Variants in RBFOX1 observed in about 807,000 individuals in gnomAD.
RBFOX1 encodes the protein RNA binding protein fox-1 homolog 1.
In RBFOX1, 8 loss-of-function variants were observed where a neutral mutation model predicts 57.7. The ratio of observed to expected loss-of-function variants is 0.14; its 90% CI spans 0.08 to 0.25. The LOEUF (loss-of-function observed/expected upper bound fraction) is 0.25, where lower values mean the gene tolerates loss of function less well. RBFOX1 is among the 10% of genes least tolerant of loss of function. RBFOX1 has a pLI of 1.00. For synonymous variants in RBFOX1, 326 were observed against 222.4 expected, an observed-to-expected ratio of 1.47 and a Z score of -4.15; for missense variants, 611 against 548.5, an observed-to-expected ratio of 1.11 and a Z score of -1.14.
chr16:6,564,447 G>A (rs1057008952), intron 2 of RBFOX1, among the ~76,000 whole-genome samples: 1 of 150,544 alleles, frequency 6.6e-6, no homozygotes, highest in Admixed American at 6.7e-5. Flanking sequence ...GCAACAGAGT[G>A]AGACTCTGTC....
chr16:6,781,456 G>A (rs1393350870), intron 3 of RBFOX1, among the ~76,000 whole-genome samples: 1 of 152,122 alleles, frequency 6.6e-6, no homozygotes, highest in Admixed American at 6.6e-5. Context: ...GAGTTTGGAA[G>A]TATTGTCTAC....
intron 1 of RBFOX1, among the ~76,000 whole-genome samples, chr16:6,195,839 A>G (rs1032594300): frequency 2.6e-5 from 4 of 152,190 alleles, no homozygotes; most frequent in African/African-American, 9.6e-5. Flanking sequence ...GCCATTTAAG[A>G]GCCTTCAAAG....
rs924163106 is a variant in RBFOX1 at position 7,474,684 on chromosome 16, G to C, written c.28-43463G>C. On this transcript the variant is annotated intron_variant, in intron 4 of 15. Transcript: ENST00000550418. ...TTATTACTTGTGTAACTCTGGGTAA[G>C]TTACGAATATGCTTTCCCTTTCCAG... Among the ~76,000 whole-genome samples the C allele has an allele frequency of 2.0e-5, 3 of 152,208 alleles. No individual in the cohort carries two copies. In the South Asian group the frequency reaches 6.2e-4, roughly 32 times the overall value.
chr16:5,553,121 C>T (rs768019864), intron 2 of RBFOX1, among the ~76,000 whole-genome samples: 83 of 152,044 alleles, frequency 5.5e-4, no homozygotes, highest in Non-Finnish European at 1.1e-3. Flanking sequence ...ATCACATACC[C>T]GGGCCTGTCG....
intron 4 of RBFOX1, among the ~76,000 whole-genome samples, chr16:5,968,659 T>C (rs967133528): frequency 4.6e-5 from 7 of 152,198 alleles, no homozygotes; most frequent in African/African-American, 7.2e-5. Flanking sequence ...TTTGCAATCC[T>C]ATCCTTGACA....
intron 11 of RBFOX1, among the ~76,000 whole-genome samples, chr16:7,641,522 A>T (rs1259733296): frequency 1.3e-5 from 2 of 152,228 alleles, no homozygotes; most frequent in Admixed American, 6.5e-5. Context: ...TTTTGTTTGT[A>T]TGCAACATAG....
intron 4 of RBFOX1, among the ~76,000 whole-genome samples, chr16:7,178,724 C>G (rs73536636): frequency 6.6e-6 from 1 of 152,166 alleles, no homozygotes; most frequent in African/African-American, 2.4e-5. Context: ...TAATCACATG[C>G]CGGACCTCAG....
chr16:7,212,183 G>T (rs1464676826), intron 4 of RBFOX1, among the ~76,000 whole-genome samples: 3 of 152,124 alleles, frequency 2.0e-5, no homozygotes, highest in East Asian at 1.9e-4. Flanking sequence ...GGGGCAGACT[G>T]TTTGAGTGAC....
At chr16:6,923,629 G>T (rs186514702) in intron 3 of RBFOX1, among the ~76,000 whole-genome samples, 1 of 152,158 alleles carries the variant, frequency 6.6e-6, no homozygotes, top group African/African-American at 2.4e-5. Context: ...GAGTGAATCA[G>T]CAGGGGAGCA....
chr16:5,452,147 C>T (rs2068446745), intron 1 of RBFOX1, among the ~76,000 whole-genome samples: 1 of 123,774 alleles, frequency 8.1e-6, no homozygotes, highest in Non-Finnish European at 1.6e-5. Context: ...GAGACAGAGT[C>T]TTGCTCTGTC....
chr16:6,156,658 C>T (rs900999466), intron 1 of RBFOX1, among the ~76,000 whole-genome samples: 5 of 152,058 alleles, frequency 3.3e-5, no homozygotes, highest in Non-Finnish European at 7.4e-5. Context: ...AGAGGACTTC[C>T]CTCCCCACTT....
chr16:7,007,668 C>G (rs2093379411), intron 3 of RBFOX1, among the ~76,000 whole-genome samples: 1 of 152,138 alleles, frequency 6.6e-6, no homozygotes, highest in African/African-American at 2.4e-5. Context: ...GGAAGCTCTT[C>G]TCTTTAACAT....
chr16:6,792,681 C>G (rs901641380), intron 3 of RBFOX1, among the ~76,000 whole-genome samples: 1 of 151,996 alleles, frequency 6.6e-6, no homozygotes, highest in African/African-American at 2.4e-5. Flanking sequence ...GTTTTCATGT[C>G]TGTTGTATCT....
chr16:5,929,534 C>T (rs1429219301), intron 4 of RBFOX1, among the ~76,000 whole-genome samples: 1 of 152,108 alleles, frequency 6.6e-6, no homozygotes, highest in Non-Finnish European at 1.5e-5. Context: ...ATTTAAATTA[C>T]CTCTTACTAT....
chr16:7,209,380 C>G (rs1048814772), intron 4 of RBFOX1, among the ~76,000 whole-genome samples: 9 of 152,108 alleles, frequency 5.9e-5, no homozygotes, highest in Admixed American at 1.3e-4. Flanking sequence ...TATAAGGACA[C>G]CAGTTAGATT....
At chr16:5,781,340 C>T (rs2054317331) in intron 3 of RBFOX1, among the ~76,000 whole-genome samples, 1 of 152,080 alleles carries the variant, frequency 6.6e-6, no homozygotes, top group Non-Finnish European at 1.5e-5. Flanking sequence ...CTCTATTGAA[C>T]CTATTTCTAG....
chr16:6,212,542 C>A (rs1273619138), intron 1 of RBFOX1, among the ~76,000 whole-genome samples: 1 of 151,978 alleles, frequency 6.6e-6, no homozygotes, highest in African/African-American at 2.4e-5. Context: ...CCTGTCTCTA[C>A]TAAAAATACA....
intron 3 of RBFOX1, among the ~76,000 whole-genome samples, chr16:6,888,001 G>C (rs1390552531): frequency 6.6e-6 from 1 of 151,948 alleles, no homozygotes; most frequent in Non-Finnish European, 1.5e-5. Context: ...ATTCTGTTTG[G>C]GGTTTTTGTT....
chr16:7,662,041 C>A (rs567863408), intron 12 of RBFOX1, among the ~76,000 whole-genome samples: 3 of 152,210 alleles, frequency 2.0e-5, no homozygotes, highest in Admixed American at 2.0e-4. Context: ...AAGAAGGGAT[C>A]AGTTTCTTGG....
Sources: gnomAD v4.1 joint callset for allele counts (sites outside exome capture counted in the v4.1 genomes callset) on GRCh38, gnomAD v4.1.1 for gene constraint, MANE v1.5 for transcripts, NCBI Gene and HGNC (gene_info 2026-07-23, HGNC 2026-07-21) for gene names.